Variants in ZYG11B observed in about 807,000 individuals in gnomAD.
ZYG11B encodes zyg-11 family member B, cell cycle regulator.
A neutral mutation model predicts 82.4 loss-of-function variants in ZYG11B; 36 were observed. The observed-to-expected ratio is 0.44, with a 90% CI of 0.33 to 0.58. The LOEUF (loss-of-function observed/expected upper bound fraction) is 0.58. Ranked by LOEUF, ZYG11B falls within the 20% of genes least tolerant of loss-of-function variation. ZYG11B has a pLI of 0.02. For missense variants in ZYG11B, 552 were observed against 895.6 expected, an observed-to-expected ratio of 0.62 and a Z score of 4.90; for synonymous variants, 303 against 312.8, an observed-to-expected ratio of 0.97 and a Z score of 0.33.
rs1644392303 is a variant in ZYG11B at position 52,738,040 on chromosome 1, G to T, written c.30+11357G>T. Reference sequence around the variant, plus strand: ...GAAGACAGCCTCCTGATTTTGAGATGAATTGCGAAGCAGTATCCCTTTGTA... The same window carrying T: ...GAAGACAGCCTCCTGATTTTGAGATTAATTGCGAAGCAGTATCCCTTTGTA... On this transcript the variant is annotated intron_variant, in intron 1 of 13. Coordinates refer to ENST00000294353, the MANE Select transcript of ZYG11B (RefSeq NM_024646.3). Among the ~76,000 whole-genome samples, 6 of 152,134 alleles carry T rather than the reference G, an allele frequency of 3.9e-5. No homozygotes were observed. The South Asian group carries it at 1.2e-3, about 31-fold the overall frequency.
intron 1 of ZYG11B, among the ~76,000 whole-genome samples, chr1:52,726,935 G>A (rs1644289538): frequency 1.3e-5 from 2 of 151,636 alleles, no homozygotes; most frequent in Admixed American, 6.6e-5. Context: ...ATCACCCCCA[G>A]TGACAGCCTT....
rs1345853027 is a variant in ZYG11B at position 52,771,964 on chromosome 1, GTTT to G, written c.951+193_951+195del. Among the ~76,000 whole-genome samples, 7 of 152,054 alleles carry G rather than the reference GTTT, an allele frequency of 4.6e-5. No individual in the cohort carries two copies. The highest frequency in any genetic ancestry group is 8.8e-5 in the Non-Finnish European group (6 of 68,032). ...AGAACAAGCTATGATGTCACTTCGA[GTTT>G]TTATTTATTTGTAGAATAGATATTA... On this transcript the variant is annotated intron_variant, in intron 3 of 13. Coordinates refer to ENST00000294353, the MANE Select transcript of ZYG11B (RefSeq NM_024646.3). The surrounding 1 kb of genome is among the most constrained non-coding windows in gnomAD (Gnocchi z 5.4).
intron 8 of ZYG11B, among the ~76,000 whole-genome samples, chr1:52,801,559 G>A (rs968774108): frequency 2.6e-5 from 4 of 152,064 alleles, no homozygotes; most frequent in Admixed American, 1.3e-4. Context: ...ATAGTTGACC[G>A]AAGTTTTAAT....
chr1:52,775,825 C>G lies in ZYG11B; in HGVS notation c.952-4028C>G, dbSNP rs117608744. Among the ~76,000 whole-genome samples the G allele has an allele frequency of 8.5e-5, 13 of 152,236 alleles. No individual in the cohort carries two copies. In the East Asian group the frequency reaches 2.3e-3, roughly 27 times the overall value. On this transcript the variant is annotated intron_variant, in intron 3 of 13. Transcript: ENST00000294353. ...AGGCGTGGTGGCTCACGCCTGTAAT[C>G]CCAGCACTTTGGGAGAAAAAAGAAT...
At chr1:52,749,585 T>G (rs1016840830) in intron 1 of ZYG11B, among the ~76,000 whole-genome samples, 3 of 152,204 alleles carry the variant, frequency 2.0e-5, no homozygotes, top group African/African-American at 7.2e-5. Flanking sequence ...CTTGGTGATC[T>G]TGTGGGGTTT....
intron 1 of ZYG11B, among the ~76,000 whole-genome samples, chr1:52,737,372 A>G (rs577963690): frequency 6.6e-6 from 1 of 152,242 alleles, no homozygotes; most frequent in East Asian, 1.9e-4. Flanking sequence ...GTGTCTCCAG[A>G]TTGTGAGCTC....
intron 1 of ZYG11B, among the ~76,000 whole-genome samples, chr1:52,734,618 C>G (rs1644362818): frequency 6.6e-6 from 1 of 150,920 alleles, no homozygotes; most frequent in African/African-American, 2.4e-5. Context: ...CCATTGCACT[C>G]CAGCCTGGGC....
intron 4 of ZYG11B, among the ~76,000 whole-genome samples, chr1:52,783,364 T>C (rs536324182): frequency 7.9e-5 from 12 of 152,272 alleles, no homozygotes; most frequent in Admixed American, 4.6e-4. Context: ...TATCCTGATA[T>C]GAATGATCCA....
intron 10 of ZYG11B, among the ~76,000 whole-genome samples, chr1:52,810,852 T>C (rs1244173180): frequency 6.6e-6 from 1 of 151,996 alleles, no homozygotes; most frequent in Admixed American, 6.6e-5. Context: ...CTGGCCAACA[T>C]GGCGAAACCC....
intron 3 of ZYG11B, among the ~76,000 whole-genome samples, chr1:52,776,229 A>AAAAAAAAAAAAT: frequency 4.2e-5 from 1 of 23,536 alleles, no homozygotes; most frequent in African/African-American, 9.5e-5. Flanking sequence ...TAAAAAAAAA[A>AAAAAAAAAAAAT]ATATATATAT....
chr1:52,826,237 A>G lies in ZYG11B; in HGVS notation c.*4608A>G, dbSNP rs1037911185. On this transcript the variant is annotated 3_prime_UTR_variant, in exon 14 of 14. Transcript: ENST00000294353. ...GTATTGCTAGGGCTTCAGAATACTA[A>G]CTTTGACACAGCTCCCAGAGAGGTT... is the stretch of plus-strand genomic sequence containing the variant. 1 of 152,172 alleles carries G rather than the reference A, an allele frequency of 6.6e-6. No individual in the cohort carries two copies. The highest frequency in any genetic ancestry group is 2.4e-5 in the African/African-American group (1 of 41,444). 9.4% of individuals were successfully genotyped at this position (152,172 alleles called of 1,614,324 possible).
intron 2 of ZYG11B, among the ~76,000 whole-genome samples, chr1:52,757,577 A>G (rs1360027920): frequency 6.6e-6 from 1 of 152,006 alleles, no homozygotes; most frequent in Non-Finnish European, 1.5e-5. Flanking sequence ...CGGGAGGGTG[A>G]GACAGGAGAA....
intron 6 of ZYG11B, among the ~76,000 whole-genome samples, chr1:52,795,785 G>A (rs1168729086): frequency 6.6e-6 from 1 of 151,962 alleles, no homozygotes; most frequent in Non-Finnish European, 1.5e-5. Flanking sequence ...GTATTTATCT[G>A]ATTTATTACC....
At chr1:52,766,962 C>T (rs563774382) in intron 2 of ZYG11B, among the ~76,000 whole-genome samples, 3 of 151,112 alleles carry the variant, frequency 2.0e-5, no homozygotes, top group African/African-American at 4.9e-5. Flanking sequence ...GAGCCCAGAT[C>T]GCGCCACTGC....
intron 1 of ZYG11B, among the ~76,000 whole-genome samples, chr1:52,732,364 G>T (rs1199690043): frequency 2.6e-5 from 4 of 152,106 alleles, no homozygotes; most frequent in African/African-American, 9.7e-5. Context: ...TTGCTTAAAA[G>T]AAAATTATAT....
intron 3 of ZYG11B, among the ~76,000 whole-genome samples, chr1:52,778,179 G>A (rs926601354): frequency 3.9e-5 from 6 of 152,170 alleles, no homozygotes; most frequent in African/African-American, 1.4e-4. Flanking sequence ...TGTCTTTTGA[G>A]TATCTTTTAG....
intron 10 of ZYG11B, among the ~76,000 whole-genome samples, chr1:52,806,163 G>A (rs1458731515): frequency 6.6e-6 from 1 of 152,044 alleles, no homozygotes; most frequent in East Asian, 1.9e-4. Flanking sequence ...TGAATTTATT[G>A]AGACTTGTGA....
chr1:52,736,126 G>A (rs949499355), intron 1 of ZYG11B, among the ~76,000 whole-genome samples: 2 of 152,094 alleles, frequency 1.3e-5, no homozygotes, highest in Non-Finnish European at 2.9e-5. Flanking sequence ...TGGTCTTACA[G>A]GGCTGCTGTG....
At chr1:52,730,076 G>A (rs1309109150) in intron 1 of ZYG11B, among the ~76,000 whole-genome samples, 7 of 152,132 alleles carry the variant, frequency 4.6e-5, no homozygotes, top group Non-Finnish European at 8.8e-5. Context: ...CCAGAGTGCT[G>A]GAATTATAGA....
Sources: gnomAD v4.1 joint callset for allele counts (sites outside exome capture counted in the v4.1 genomes callset) on GRCh38, gnomAD v4.1.1 for gene constraint, Gnocchi (gnomAD v3.1) non-coding constraint, MANE v1.5 for transcripts, NCBI Gene and HGNC (gene_info 2026-07-23, HGNC 2026-07-21) for gene names.